The following CASP5 variants were observed in gnomAD, a reference collection of about 807,000 sequenced individuals.
CASP5 encodes the protein caspase 5.
In CASP5, 42 loss-of-function variants were observed where a neutral mutation model predicts 45.2. The ratio of observed to expected loss-of-function variants is 0.93; its 90% confidence interval spans 0.73 to 1.20. The LOEUF is 1.20. Ranked by LOEUF, CASP5 falls within the 50% of genes most tolerant of loss-of-function variation. The pLI, the probability that CASP5 is intolerant of heterozygous loss-of-function variation, is 0.00. For missense variants in CASP5, 512 were observed against 532.2 expected (o/e 0.96, Z 0.37); for synonymous variants, 209 against 186.2 (o/e 1.12, Z -1.00).
chr11:104,998,358 T>C (rs946011210), intron 7 of CASP5, among the ~76,000 whole-genome samples: 1 of 152,192 alleles, frequency 6.6e-6, no homozygotes, highest in African/African-American at 2.4e-5. Flanking sequence ...TACAAACGAC[T>C]GTTTCCTGTA....
At chr11:105,019,898 A>T (rs200524282) in intron 1 of CASP5, among the ~76,000 whole-genome samples, 24 of 142,826 alleles carry the variant, frequency 1.7e-4, no homozygotes, top group Admixed American at 3.0e-4. Context: ...ATTGATGCAA[A>T]AATCCTCAAT....
At position 105,009,755 on chromosome 11, in the gene CASP5, ATATACACACACACACG is replaced by A. The variant is rs1361631321; in HGVS notation, c.8-791_8-776del. Among the ~76,000 whole-genome samples, 249 of 84,742 alleles carry A rather than the reference ATATACACACACACACG, an allele frequency of 2.9e-3. 1 individual carries two copies. The highest frequency in any genetic ancestry group is 3.3e-3 in the African/African-American group (75 of 22,468). 55.6% of individuals were successfully genotyped at this position (84,742 alleles called of 152,430 possible). On this transcript the variant is annotated intron_variant, in intron 1 of 9. Coordinates refer to ENST00000260315, the MANE Select transcript of CASP5 (RefSeq NM_004347.5). The stretch of plus-strand genomic sequence containing the variant: ...TATATATATATATATATATATATAT[ATATACACACACACACG>A]TATATATATATATATACACACGTAT...
rs755908747 is a variant in CASP5, at chr11:104,997,465, CT to C, written c.1123del (p.Arg375GlyfsTer22). 11 of 1,612,640 alleles carry C rather than the reference CT, an allele frequency of 6.8e-6. No homozygotes were observed. Among genetic ancestry groups the C allele is most frequent in the Non-Finnish European group, 9.3e-6 (11 of 1,178,792 alleles). On this transcript the variant is annotated frameshift_variant, in exon 8 of 10. Coordinates refer to ENST00000260315, the MANE Select transcript of CASP5 (RefSeq NM_004347.5). LOFTEE classifies it high-confidence loss of function. ...GAGTTCCGTAATGAAGATGGAGCCC[CT>C]TGTGCGGTCTCTCCAGGACACGTTA... is the stretch of plus-strand genomic sequence containing the variant. ...PHNVSWRDRT[R>X]GSIFITELIT...
chr11:105,020,147 G>A (rs1226226788), intron 1 of CASP5, among the ~76,000 whole-genome samples: 1 of 145,618 alleles, frequency 6.9e-6, no homozygotes, highest in Non-Finnish European at 1.5e-5. Flanking sequence ...GGTATTGATG[G>A]GATGTATTTC....
chr11:105,016,489 C>T (rs1162519355), intron 1 of CASP5, among the ~76,000 whole-genome samples: 1 of 152,188 alleles, frequency 6.6e-6, no homozygotes. Context: ...GGCATTGCCT[C>T]ACTCGGGAAG....
At chr11:105,009,946 T>C (rs906484788) in intron 1 of CASP5, among the ~76,000 whole-genome samples, 12 of 146,926 alleles carry the variant, frequency 8.2e-5, no homozygotes, top group Non-Finnish European at 1.5e-4. Flanking sequence ...CACACACACA[T>C]ATATATATCA....
chr11:105,006,134 A>G (rs189998453), intron 3 of CASP5, among the ~76,000 whole-genome samples: 11 of 152,188 alleles, frequency 7.2e-5, no homozygotes, highest in African/African-American at 2.7e-4. Context: ...TGGATCTGAG[A>G]ACATTTAGGC....
intron 1 of CASP5, among the ~76,000 whole-genome samples, chr11:105,020,137 G>T (rs11500967): frequency 0.26 from 36,514 of 141,824 alleles, 5,925 homozygotes; most frequent in Non-Finnish European, 0.29. Flanking sequence ...CAATAAATTA[G>T]GTATTGATGG....
At chr11:105,010,920 G>T (rs1047304545) in intron 1 of CASP5, among the ~76,000 whole-genome samples, 17 of 151,666 alleles carry the variant, frequency 1.1e-4, no homozygotes, top group African/African-American at 4.1e-4. Context: ...AGTAACTCCG[G>T]AGCAGGAATA....
At chr11:105,022,306 A>G (rs886092300) in intron 1 of CASP5, among the ~76,000 whole-genome samples, 5 of 151,950 alleles carry the variant, frequency 3.3e-5, no homozygotes, top group African/African-American at 7.2e-5. Flanking sequence ...AACTTAAAGT[A>G]TAATAATAAT....
chr11:104,994,667 T>C (rs1165137020), intron 9 of CASP5, among the ~76,000 whole-genome samples: 2 of 152,240 alleles, frequency 1.3e-5, no homozygotes, highest in African/African-American at 2.4e-5. Flanking sequence ...AATTTGTCTC[T>C]GTCAGTTCCC....
At position 105,000,427 on chromosome 11, in the gene CASP5, C is replaced by T; in HGVS notation, c.786G>A (p.Leu262=). The change falls in exon 6 of 10, where the codon TTG becomes TTA. Residue 262 remains leucine (L), a synonymous_variant. Coordinates refer to ENST00000260315, the MANE Select transcript of CASP5 (RefSeq NM_004347.5). ...PEHKSSDSTF[L]VLMSHGILEG... ...CTAGGATGCCATGAGACATGAGTAC[C>T]AAGAACGTGCTGTCAGAGGACTTGT... 6.2e-7 allele frequency: 1 copy of T among 1,614,140 alleles called. No homozygotes were observed. The highest frequency in any genetic ancestry group is 8.5e-7 in the Non-Finnish European group (1 of 1,180,008).
intron 1 of CASP5, among the ~76,000 whole-genome samples, chr11:105,018,015 G>T (rs555322833): frequency 2.2e-4 from 33 of 152,118 alleles, no homozygotes; most frequent in South Asian, 1.2e-3. Flanking sequence ...CATTCTTAAA[G>T]AAAAGAATTT....
intron 1 of CASP5, among the ~76,000 whole-genome samples, chr11:105,012,318 A>T (rs1227297675): frequency 6.6e-6 from 1 of 151,878 alleles, no homozygotes; most frequent in Admixed American, 6.6e-5. Context: ...AATAACTGAA[A>T]CTTTGAAACT....
chr11:105,009,792 C>CTT (rs1565388258), intron 1 of CASP5, among the ~76,000 whole-genome samples: 1 of 88,712 alleles, frequency 1.1e-5, no homozygotes, highest in Non-Finnish European at 2.2e-5. Context: ...TATATACACA[C>CTT]GTATATATAT....
chr11:105,003,205 A>G (rs1591159288), intron 4 of CASP5, 69 bp downstream of exon 4: 2 of 977,048 alleles, frequency 2.0e-6, no homozygotes, highest in East Asian at 4.8e-5. Context: ...ATTTTTAAAA[A>G]TGTGCATTGC....
At chr11:104,997,516 C>A (rs766148367) in intron 7 of CASP5, 24 bp from the exon 8 acceptor site, 1 of 1,423,980 alleles carries the variant, frequency 7.0e-7, no homozygotes, top group South Asian at 1.2e-5. Context: ...GCCTGGTATG[C>A]CTTGGGCTAC....
rs1323038216 is a variant in CASP5 at position 105,000,427 on chromosome 11, C to G, written c.786G>C (p.Leu262Phe). The change falls in exon 6 of 10, where the codon TTG becomes TTC. Residue 262 changes from leucine (L) to phenylalanine (F), a missense_variant. Coordinates refer to ENST00000260315, the MANE Select transcript of CASP5 (RefSeq NM_004347.5). ...PEHKSSDSTF[L>F]VLMSHGILEG... ...CTAGGATGCCATGAGACATGAGTAC[C>G]AAGAACGTGCTGTCAGAGGACTTGT... 3 of 1,614,140 alleles carry G rather than the reference C, an allele frequency of 1.9e-6. No individual in the cohort carries two copies. In the East Asian group the frequency reaches 6.7e-5, roughly 36 times the overall value.
At chr11:105,008,079 A>C (rs953186913) in intron 2 of CASP5, among the ~76,000 whole-genome samples, 1 of 152,138 alleles carries the variant, frequency 6.6e-6, no homozygotes, top group Non-Finnish European at 1.5e-5. Flanking sequence ...TCAAAGTGAT[A>C]AATTTTTTTG....
Sources: allele counts gnomAD v4.1 joint callset (sites outside exome capture counted in the v4.1 genomes callset), GRCh38; gene constraint gnomAD v4.1.1; transcripts MANE v1.5; gene names NCBI Gene and HGNC (gene_info 2026-07-23, HGNC 2026-07-21).